TBL1X: variants seen among roughly 807,000 people sequenced by gnomAD.
TBL1X encodes the protein F-box-like/WD repeat-containing protein TBL1X.
TBL1X carries 10 observed loss-of-function variants against 50.7 expected under a neutral mutation model. That is an observed-to-expected ratio of 0.20 (90% CI 0.12 to 0.33). The LOEUF (loss-of-function observed/expected upper bound fraction) is 0.33. Ranked by LOEUF, TBL1X falls within the 10% of genes least tolerant of loss-of-function variation. The pLI is 1.00. For synonymous variants in TBL1X, 190 were observed against 214.7 expected, an observed-to-expected ratio of 0.88 and a Z score of 1.01; for missense variants, 340 against 504.4, an observed-to-expected ratio of 0.67 and a Z score of 3.12.
chrX:9,692,898 T>G (rs1262338152), intron 9 of TBL1X, among the ~76,000 whole-genome samples: 1 of 112,596 alleles, frequency 8.9e-6, no homozygotes. Context: ...GAAAGGTGAT[T>G]CTCCACCTTG....
intron 2 of TBL1X, among the ~76,000 whole-genome samples, chrX:9,614,317 C>T (rs1054720609): frequency 9.0e-6 from 1 of 111,487 alleles, no homozygotes; most frequent in African/African-American, 3.3e-5. Flanking sequence ...TCTGTAATCT[C>T]AGCACTTTGG....
At chrX:9,549,472 C>T (rs919322674) in intron 2 of TBL1X, among the ~76,000 whole-genome samples, 3 of 112,571 alleles carry the variant, frequency 2.7e-5, no homozygotes, top group African/African-American at 6.4e-5. Context: ...AATTTATTTT[C>T]TCTTTTTATT....
At chrX:9,625,585 C>A (rs2082688272) in intron 2 of TBL1X, among the ~76,000 whole-genome samples, 1 of 112,428 alleles carries the variant, frequency 8.9e-6, no homozygotes, top group Non-Finnish European at 1.9e-5. Context: ...AGATGGCTTA[C>A]ACTGGGTATG....
chrX:9,682,138 T>G (rs945088468), intron 5 of TBL1X, among the ~76,000 whole-genome samples: 4 of 112,612 alleles, frequency 3.6e-5, no homozygotes, highest in Non-Finnish European at 1.9e-5. Context: ...AAACTCTGTA[T>G]AGCATTGGCA....
chrX:9,714,695 G>A (rs2083267656), intron 16 of TBL1X, among the ~76,000 whole-genome samples: 1 of 112,546 alleles, frequency 8.9e-6, no homozygotes, highest in African/African-American at 3.2e-5. Flanking sequence ...GATTCCGCAG[G>A]CATAAGTAAT....
intron 5 of TBL1X, among the ~76,000 whole-genome samples, chrX:9,661,110 A>C: frequency 8.9e-6 from 1 of 112,506 alleles, no homozygotes; most frequent in Non-Finnish European, 1.9e-5. Flanking sequence ...CACCTACTCT[A>C]TGTATTTTGG....
chrX:9,503,596 G>A (rs2082012154), intron 2 of TBL1X, among the ~76,000 whole-genome samples: 1 of 113,329 alleles, frequency 8.8e-6, no homozygotes, highest in African/African-American at 3.2e-5. Flanking sequence ...GCTAGAGCCA[G>A]GGAGGCTGGA....
intron 2 of TBL1X, among the ~76,000 whole-genome samples, chrX:9,608,395 T>A (rs2082594836): frequency 8.9e-6 from 1 of 111,824 alleles, no homozygotes; most frequent in South Asian, 3.7e-4. Context: ...TTTATTTCGG[T>A]TTTATGTTAA....
chrX:9,464,437 C>T (rs2081756214), upstream of TBL1X, among the ~76,000 whole-genome samples: 1 of 111,240 alleles, frequency 9.0e-6, no homozygotes, highest in African/African-American at 3.3e-5. Flanking sequence ...GAGGCTCCGC[C>T]GGAACCCCCA....
intron 2 of TBL1X, among the ~76,000 whole-genome samples, chrX:9,524,324 C>T (rs2082122102): frequency 8.9e-6 from 1 of 111,843 alleles, no homozygotes; most frequent in South Asian, 3.7e-4. Context: ...TCATACTCTG[C>T]ACAGCCAACC....
At chrX:9,496,469 C>G (rs2081971611) in intron 1 of TBL1X, among the ~76,000 whole-genome samples, 1 of 112,705 alleles carries the variant, frequency 8.9e-6, no homozygotes, top group South Asian at 3.6e-4. Flanking sequence ...AGTTGTAAAC[C>G]AAACTTTTGA....
At chrX:9,531,274 A>G (rs1480082881) in intron 2 of TBL1X, among the ~76,000 whole-genome samples, 2 of 108,849 alleles carry the variant, frequency 1.8e-5, no homozygotes, top group African/African-American at 6.7e-5. Context: ...TTCATTCATG[A>G]CAGGATGAAC....
intron 2 of TBL1X, among the ~76,000 whole-genome samples, chrX:9,515,100 C>T (rs1464686870): frequency 9.0e-6 from 1 of 111,663 alleles, no homozygotes; most frequent in Non-Finnish European, 1.9e-5. Context: ...CCCTTTTAAG[C>T]TCCAGGCAGA....
intron 2 of TBL1X, among the ~76,000 whole-genome samples, chrX:9,629,549 T>C (rs771201090): frequency 1.4e-4 from 16 of 112,438 alleles, no homozygotes; most frequent in Admixed American, 1.9e-4. Flanking sequence ...ATATTTCAAC[T>C]TTATTCAGTG....
chrX:9,498,771 C>T (rs1432876730), intron 1 of TBL1X, among the ~76,000 whole-genome samples: 1 of 112,393 alleles, frequency 8.9e-6, no homozygotes. Context: ...AGGGAGTTTC[C>T]CTATTTGCAG....
At chrX:9,712,401 G>A (rs1014498318) in intron 16 of TBL1X, among the ~76,000 whole-genome samples, 2 of 112,630 alleles carry the variant, frequency 1.8e-5, no homozygotes, top group Admixed American at 9.3e-5. Flanking sequence ...GCAGTGGCGC[G>A]ATCTTGGCTC....
intron 2 of TBL1X, among the ~76,000 whole-genome samples, chrX:9,615,981 T>C (rs1434423368): frequency 8.9e-6 from 1 of 112,203 alleles, no homozygotes; most frequent in South Asian, 3.7e-4. Flanking sequence ...CAGCAAGTAT[T>C]TATTGAACAT....
At chrX:9,641,117 G>GC (rs775696100) in intron 3 of TBL1X, among the ~76,000 whole-genome samples, 162 of 112,306 alleles carry the variant, frequency 1.4e-3, no homozygotes, top group African/African-American at 5.2e-3. Context: ...TTAATTCTAT[G>GC]CTTTATCAGT....
At chrX:9,498,583 G>T (rs1175705696) in intron 1 of TBL1X, among the ~76,000 whole-genome samples, 1 of 112,657 alleles carries the variant, frequency 8.9e-6, no homozygotes, top group East Asian at 2.8e-4. Flanking sequence ...CCAGTAGTTT[G>T]TTCAGGAGCA....
Sources: gnomAD v4.1 joint callset for allele counts (sites outside exome capture counted in the v4.1 genomes callset) on GRCh38, gnomAD v4.1.1 for gene constraint, MANE v1.5 for transcripts, NCBI Gene and HGNC (gene_info 2026-07-23, HGNC 2026-07-21) for gene names.